NOVA1: variants seen among roughly 807,000 people sequenced by gnomAD.
The protein encoded by NOVA1 is RNA-binding protein Nova-1.
Under a neutral mutation model 38.0 loss-of-function variants are expected in NOVA1, and 7 were observed. The observed-to-expected ratio is 0.18, with a 90% CI of 0.10 to 0.35. The LOEUF is 0.35. Ranked by LOEUF, NOVA1 falls within the 10% of genes least tolerant of loss-of-function variation. The pLI, the probability that NOVA1 is intolerant of heterozygous loss-of-function variation, is 1.00. For synonymous variants in NOVA1, 270 were observed against 232.5 expected (o/e 1.16, Z -1.47); for missense variants, 460 against 616.0 (o/e 0.75, Z 2.68).
intron 2 of NOVA1, among the ~76,000 whole-genome samples, chr14:26,481,972 C>G (rs1390778772): frequency 9.2e-6 from 1 of 108,206 alleles, no homozygotes; most frequent in Non-Finnish European, 1.8e-5. Flanking sequence ...CCAAAACAGT[C>G]TAACTTAGAT....
chr14:26,507,995 A>G (rs1375648172), intron 2 of NOVA1, among the ~76,000 whole-genome samples: 1 of 152,058 alleles, frequency 6.6e-6, no homozygotes, highest in African/African-American at 2.4e-5. Context: ...AAAAAAGCAA[A>G]AGCTTCTAGT....
At chr14:26,458,736 A>C (rs138149643) in intron 4 of NOVA1, among the ~76,000 whole-genome samples, 1 of 152,020 alleles carries the variant, frequency 6.6e-6, no homozygotes, top group East Asian at 1.9e-4. Context: ...ATTTGGGATC[A>C]TTCATACACC....
At chr14:26,536,105 G>A (rs1289206870) in intron 2 of NOVA1, among the ~76,000 whole-genome samples, 1 of 152,078 alleles carries the variant, frequency 6.6e-6, no homozygotes, top group Non-Finnish European at 1.5e-5. Context: ...AATAAGACAG[G>A]CATAGAACGA....
intron 2 of NOVA1, among the ~76,000 whole-genome samples, chr14:26,581,087 C>T (rs956030425): frequency 3.3e-5 from 5 of 151,934 alleles, no homozygotes; most frequent in South Asian, 2.1e-4. Flanking sequence ...AGATAAAAAA[C>T]TGGAGGTACA....
At chr14:26,494,854 CCT>C (rs1566476482) in intron 2 of NOVA1, among the ~76,000 whole-genome samples, 1 of 152,146 alleles carries the variant, frequency 6.6e-6, no homozygotes, top group Non-Finnish European at 1.5e-5. Flanking sequence ...ACAATCCACT[CCT>C]CTCTCAGAAT....
intron 2 of NOVA1, among the ~76,000 whole-genome samples, chr14:26,589,108 C>A (rs1211203296): frequency 6.6e-6 from 1 of 151,418 alleles, no homozygotes; most frequent in Non-Finnish European, 1.5e-5. Flanking sequence ...ATAGAAAATT[C>A]AAAGCTATAA....
chr14:26,487,343 G>A (rs1414967243), intron 2 of NOVA1, among the ~76,000 whole-genome samples: 1 of 152,096 alleles, frequency 6.6e-6, no homozygotes, highest in African/African-American at 2.4e-5. Flanking sequence ...ATGCATCTCA[G>A]AATATTCTTT....
chr14:26,531,738 C>T (rs1227169108), intron 2 of NOVA1, among the ~76,000 whole-genome samples: 1 of 152,250 alleles, frequency 6.6e-6, no homozygotes, highest in South Asian at 2.1e-4. Flanking sequence ...TTAAAAATTT[C>T]TGCTCCTGGA....
chr14:26,592,113 C>T (rs1016536912), intron 2 of NOVA1, among the ~76,000 whole-genome samples: 2 of 151,382 alleles, frequency 1.3e-5, no homozygotes, highest in Admixed American at 6.6e-5. Context: ...TGCATACATC[C>T]GTTATCATTT....
At chr14:26,515,818 C>T (rs993807548) in intron 2 of NOVA1, among the ~76,000 whole-genome samples, 3 of 151,980 alleles carry the variant, frequency 2.0e-5, no homozygotes, top group Non-Finnish European at 4.4e-5. Context: ...CATTTCCATT[C>T]TTACATTCAT....
At chr14:26,587,912 T>G (rs1241982631) in intron 2 of NOVA1, among the ~76,000 whole-genome samples, 2 of 151,232 alleles carry the variant, frequency 1.3e-5, no homozygotes, top group South Asian at 2.1e-4. Flanking sequence ...CAGTGTATTT[T>G]CTACAGCAGC....
intron 2 of NOVA1, among the ~76,000 whole-genome samples, chr14:26,556,291 G>T (rs1891474646): frequency 6.6e-6 from 1 of 152,020 alleles, no homozygotes; most frequent in African/African-American, 2.4e-5. Context: ...TAAAATAACA[G>T]ACAACTTGAT....
chr14:26,541,833 G>C (rs1890484334), intron 2 of NOVA1, among the ~76,000 whole-genome samples: 2 of 151,856 alleles, frequency 1.3e-5, no homozygotes, highest in South Asian at 4.1e-4. Flanking sequence ...GCCATATTTT[G>C]TAGTTTGTTT....
intron 2 of NOVA1, among the ~76,000 whole-genome samples, chr14:26,503,976 G>C (rs533299283): frequency 6.6e-6 from 1 of 152,124 alleles, no homozygotes; most frequent in East Asian, 1.9e-4. Context: ...AAGAAAAGCT[G>C]ATTTTTCTTT....
In NOVA1 at chr14:26,588,745, T is replaced by C. The variant is rs1467969458; in HGVS notation, c.280+6665A>G. 3.3e-5 allele frequency among the ~76,000 whole-genome samples: 5 copies of C among 151,528 alleles called. 1 individual carries two copies. The highest frequency in any genetic ancestry group is 2.0e-4 in the Admixed American group (3 of 15,174). ...TATTTTTATATTGATAAGAATTGATTAAAAATAGTCAATCATGTCAAAAGA... is the reference window on the plus strand; with the variant it reads ...TATTTTTATATTGATAAGAATTGATCAAAAATAGTCAATCATGTCAAAAGA... On this transcript the variant is annotated intron_variant, in intron 2 of 4. Transcript: ENST00000539517.
intron 2 of NOVA1, among the ~76,000 whole-genome samples, chr14:26,563,185 G>T (rs940252899): frequency 2.0e-5 from 3 of 151,712 alleles, no homozygotes; most frequent in South Asian, 2.1e-4. Flanking sequence ...CCAGAAGAAA[G>T]AAAGAAGGAA....
intron 3 of NOVA1, among the ~76,000 whole-genome samples, chr14:26,473,446 G>A (rs909495171): frequency 6.6e-6 from 1 of 151,700 alleles, no homozygotes; most frequent in Non-Finnish European, 1.5e-5. Context: ...TGGACATTAT[G>A]TTTTATATTA....
chr14:26,523,307 CATTT>C (rs1171359525), intron 2 of NOVA1, among the ~76,000 whole-genome samples: 5 of 152,178 alleles, frequency 3.3e-5, no homozygotes, highest in African/African-American at 1.2e-4. Context: ...GTAATGTCAA[CATTT>C]ATTATTTTAG....
rs1887206599 is a variant in NOVA1 at position 26,500,985 on chromosome 14, G to T, written c.281-20842C>A. On this transcript the variant is annotated intron_variant, in intron 2 of 4. Coordinates refer to ENST00000539517, the MANE Select transcript of NOVA1 (RefSeq NM_002515.3). Reference sequence around the variant, plus strand: ...GCTCATCAGCAGATTAAAAAATAAAGTGCTACAATAAACATATTTAGTTTT... The same window carrying T: ...GCTCATCAGCAGATTAAAAAATAAATTGCTACAATAAACATATTTAGTTTT... Among the ~76,000 whole-genome samples, 3 of 152,026 alleles carry T rather than the reference G, an allele frequency of 2.0e-5. No individual in the cohort carries two copies. In the South Asian group the frequency reaches 6.2e-4, roughly 32 times the overall value.
Sources: allele counts gnomAD v4.1 joint callset (sites outside exome capture counted in the v4.1 genomes callset), GRCh38; gene constraint gnomAD v4.1.1; transcripts MANE v1.5; gene names NCBI Gene and HGNC (gene_info 2026-07-23, HGNC 2026-07-21).